DNAJC1: variants seen among roughly 807,000 people sequenced by gnomAD.
DNAJC1 encodes dnaJ homolog subfamily C member 1.
A neutral mutation model predicts 76.6 loss-of-function variants in DNAJC1; 58 were observed. That is an observed-to-expected ratio of 0.76 (90% CI 0.61 to 0.94). The LOEUF (loss-of-function observed/expected upper bound fraction) is 0.94, where lower values mean the gene tolerates loss of function less well. Ranked by LOEUF, DNAJC1 falls within the 40% of genes least tolerant of loss-of-function variation. The pLI, the probability that DNAJC1 is intolerant of heterozygous loss-of-function variation, is 0.00. For missense variants in DNAJC1, 689 were observed against 677.3 expected, an observed-to-expected ratio of 1.02 and a Z score of -0.19; for synonymous variants, 258 against 267.9, an observed-to-expected ratio of 0.96 and a Z score of 0.36.
Position 21,912,787 on chromosome 10 carries a change from CTGTT to C in DNAJC1, c.729+5988_729+5991del, listed in dbSNP as rs142153258. Among the ~76,000 whole-genome samples the C allele has an allele frequency of 4.1e-3, 616 of 151,788 alleles. 6 individuals are homozygous for C. The East Asian group carries it at 0.056, about 14-fold the overall frequency. ...TTCCTGCTAATTAGCTGTGAATGTT[CTGTT>C]TGTTTGGTTTCTGACAGAGTCCTAG... On this transcript the variant is annotated intron_variant, in intron 6 of 11. Coordinates refer to ENST00000376980, the MANE Select transcript of DNAJC1 (RefSeq NM_022365.4).
At chr10:21,834,633 T>C (rs1036217455) in intron 8 of DNAJC1, among the ~76,000 whole-genome samples, 6 of 152,104 alleles carry the variant, frequency 3.9e-5, no homozygotes, top group Non-Finnish European at 2.9e-5. Flanking sequence ...AATACTGCAC[T>C]TTTCCAACGG....
intron 8 of DNAJC1, among the ~76,000 whole-genome samples, chr10:21,813,220 C>CTCTCTCTATATA (rs1438462566): frequency 5.2e-5 from 1 of 19,088 alleles, no homozygotes; most frequent in Non-Finnish European, 8.7e-5. Flanking sequence ...CTCTCTCTCT[C>CTCTCTCTATATA]TATATATATA....
At chr10:21,829,732 T>G (rs914559654) in intron 8 of DNAJC1, among the ~76,000 whole-genome samples, 5 of 152,270 alleles carry the variant, frequency 3.3e-5, no homozygotes, top group Non-Finnish European at 2.9e-5. Flanking sequence ...GATTTCATTC[T>G]TTTAATTTGA....
chr10:21,796,298 T>C (rs780334350), intron 9 of DNAJC1, among the ~76,000 whole-genome samples: 37 of 152,102 alleles, frequency 2.4e-4, no homozygotes, highest in Non-Finnish European at 5.0e-4. Context: ...ATGAATAATA[T>C]TCTATTATAT....
intron 6 of DNAJC1, among the ~76,000 whole-genome samples, chr10:21,908,908 C>CA (rs1454748114): frequency 7.9e-5 from 12 of 151,420 alleles, no homozygotes; most frequent in Non-Finnish European, 1.2e-4. Context: ...TTCCCCAAGA[C>CA]AGAGTCTCGC....
At chr10:21,920,189 T>C (rs1043617688) in intron 4 of DNAJC1, among the ~76,000 whole-genome samples, 1 of 152,040 alleles carries the variant, frequency 6.6e-6, no homozygotes, top group Non-Finnish European at 1.5e-5. Context: ...AGAGAAAGCA[T>C]TCAACTCACT....
intron 9 of DNAJC1, among the ~76,000 whole-genome samples, chr10:21,771,353 G>C (rs1251831684): frequency 6.6e-6 from 1 of 152,122 alleles, no homozygotes; most frequent in Non-Finnish European, 1.5e-5. Flanking sequence ...TCCTTGTTTT[G>C]TTCTTGATCT....
chr10:21,970,250 TTC>T (rs1328635776), intron 1 of DNAJC1, among the ~76,000 whole-genome samples: 1 of 152,080 alleles, frequency 6.6e-6, no homozygotes, highest in Non-Finnish European at 1.5e-5. Context: ...ATTTGGTAAA[TTC>T]TCTGTGTCCT....
chr10:21,929,089 A>C lies in DNAJC1; in HGVS notation c.275T>G (p.Leu92Ter). 1 of 1,612,536 alleles carries C rather than the reference A, an allele frequency of 6.2e-7. No homozygotes were observed. The highest frequency in any genetic ancestry group is 8.5e-7 in the Non-Finnish European group (1 of 1,179,614). ...RKAYRKLSLTLHPDKNKDENA... is the reference protein window; with the variant it reads ...RKAYRKLSLT ...TTCATCTTTATTCTTGTCTGGATGT[A>C]AAGTTAGTGAAAGCTTACGATATGC... is the stretch of plus-strand genomic sequence containing the variant. Residue 92 changes from leucine (L) to a stop codon, truncating the protein, a stop_gained, in exon 2 of 12, where the codon TTA (leucine) becomes TGA (stop). Transcript: ENST00000376980. LOFTEE classifies it high-confidence loss of function.
intron 9 of DNAJC1, among the ~76,000 whole-genome samples, chr10:21,774,851 A>G (rs867384743): frequency 2.6e-5 from 4 of 152,236 alleles, no homozygotes; most frequent in African/African-American, 9.6e-5. Context: ...ACAAATTCCA[A>G]TGGCACATGG....
At chr10:21,833,053 A>G (rs1184921641) in intron 8 of DNAJC1, among the ~76,000 whole-genome samples, 3 of 152,218 alleles carry the variant, frequency 2.0e-5, no homozygotes, top group Non-Finnish European at 4.4e-5. Context: ...CCTAGGTGGA[A>G]GTAATCTTGC....
intron 9 of DNAJC1, among the ~76,000 whole-genome samples, chr10:21,766,614 A>AT (rs1325243109): frequency 2.6e-5 from 4 of 151,280 alleles, no homozygotes; most frequent in South Asian, 2.1e-4. Context: ...TTTCATTTTT[A>AT]TTTTTTTTTA....
At chr10:21,821,446 C>G (rs141891948) in intron 8 of DNAJC1, among the ~76,000 whole-genome samples, 4 of 152,210 alleles carry the variant, frequency 2.6e-5, no homozygotes, top group South Asian at 2.1e-4. Context: ...GACTATGCCT[C>G]TTGCTTATAT....
chr10:21,760,111 G>A (rs1047736241), intron 10 of DNAJC1, among the ~76,000 whole-genome samples: 1 of 152,082 alleles, frequency 6.6e-6, no homozygotes, highest in Non-Finnish European at 1.5e-5. Context: ...ACATGGAAAA[G>A]AAACATTTTA....
chr10:21,785,921 G>A (rs1324848084), intron 9 of DNAJC1, among the ~76,000 whole-genome samples: 1 of 152,170 alleles, frequency 6.6e-6, no homozygotes, highest in African/African-American at 2.4e-5. Context: ...TAAATTGTTT[G>A]TTATAGAGCG....
chr10:21,998,389 C>A (rs1411973473), intron 1 of DNAJC1, among the ~76,000 whole-genome samples: 135 of 95,702 alleles, frequency 1.4e-3, no homozygotes, highest in South Asian at 2.0e-3. Flanking sequence ...GACTCCATCT[C>A]AAAAAAAAAA....
chr10:21,868,606 A>C (rs1836048721), intron 8 of DNAJC1, among the ~76,000 whole-genome samples: 1 of 152,088 alleles, frequency 6.6e-6, no homozygotes, highest in South Asian at 2.1e-4. Flanking sequence ...TTAGATCCTC[A>C]AAATGATATT....
chr10:21,991,264 C>T lies in DNAJC1; in HGVS notation c.222+11949G>A, dbSNP rs111932122. ...GATTTCCTGGTCAAAATATCACTAA[C>T]GACCTAATATACTGTTAATAAATAA... is the stretch of plus-strand genomic sequence containing the variant. On this transcript the variant is annotated intron_variant, in intron 1 of 11. Transcript: ENST00000376980. Among the ~76,000 whole-genome samples the T allele has an allele frequency of 9.2e-5, 14 of 152,118 alleles. 1 individual carries two copies. Among genetic ancestry groups the T allele is most frequent in the African/African-American group, 2.2e-4 (9 of 41,502 alleles).
chr10:21,759,725 C>T (rs1474195833), intron 10 of DNAJC1, 107 bp from the exon 11 acceptor site: 3 of 972,502 alleles, frequency 3.1e-6, no homozygotes, highest in Non-Finnish European at 4.6e-6. Flanking sequence ...AGGCATTTTG[C>T]ATGCATGGTT....
Sources: allele counts gnomAD v4.1 joint callset (sites outside exome capture counted in the v4.1 genomes callset), GRCh38; gene constraint gnomAD v4.1.1; transcripts MANE v1.5; gene names NCBI Gene and HGNC (gene_info 2026-07-23, HGNC 2026-07-21).